The following APAF1 variants were observed in gnomAD, a reference collection of about 807,000 sequenced individuals.
The protein encoded by APAF1 is apoptotic protease-activating factor 1.
A neutral mutation model predicts 152.4 loss-of-function variants in APAF1; 91 were observed. The ratio of observed to expected loss-of-function variants is 0.60; its 90% CI spans 0.50 to 0.71. APAF1 has a LOEUF of 0.71. Ranked by LOEUF, APAF1 falls within the 30% of genes least tolerant of loss-of-function variation. The pLI is 0.00. For missense variants in APAF1, 1,283 were observed against 1,472.0 expected (o/e 0.87, Z 2.10); for synonymous variants, 484 against 494.1 (o/e 0.98, Z 0.27).
At chr12:98,650,082 G>A (rs1483534572) in intron 4 of APAF1, among the ~76,000 whole-genome samples, 15 of 152,198 alleles carry the variant, frequency 9.9e-5, no homozygotes, top group Admixed American at 9.8e-4. Context: ...TAGTTGTATA[G>A]CTCCATCAGT....
At chr12:98,665,279 T>TATATATATA (rs1491328899) in intron 7 of APAF1, among the ~76,000 whole-genome samples, 73 of 65,594 alleles carry the variant, frequency 1.1e-3, no homozygotes, top group African/African-American at 4.6e-3. Flanking sequence ...TATATATATA[T>TATATATATA]TTTTTTTTTT....
chr12:98,678,153 GTACTTTATTAC>G (rs2097688504), intron 13 of APAF1, among the ~76,000 whole-genome samples: 1 of 152,206 alleles, frequency 6.6e-6, no homozygotes, highest in Admixed American at 6.5e-5. Context: ...GTCTATATGT[GTACTTTATTAC>G]TAATTTTATT....
chr12:98,649,184 A>G (rs2097645940), intron 3 of APAF1: 1 of 979,736 alleles, frequency 1.0e-6, no homozygotes, highest in Non-Finnish European at 1.2e-6. Flanking sequence ...TCTTCCTTTT[A>G]CACTTGCCTT....
At chr12:98,654,668 A>C (rs2097654068) in intron 4 of APAF1, among the ~76,000 whole-genome samples, 1 of 152,014 alleles carries the variant, frequency 6.6e-6, no homozygotes, top group Non-Finnish European at 1.5e-5. Flanking sequence ...CGGCCTCCCA[A>C]AGTTCTGGGA....
At chr12:98,694,937 C>A (rs1437885185) in intron 16 of APAF1, among the ~76,000 whole-genome samples, 1 of 148,048 alleles carries the variant, frequency 6.8e-6, no homozygotes, top group Non-Finnish European at 1.5e-5. Context: ...TGCTGTGGCA[C>A]CATCTCGGCT....
At chr12:98,703,811 T>G (rs1488106161) in intron 18 of APAF1, among the ~76,000 whole-genome samples, 1 of 152,166 alleles carries the variant, frequency 6.6e-6, no homozygotes, top group East Asian at 1.9e-4. Context: ...ACATCTCTTA[T>G]CCAGTATAGA....
At chr12:98,692,836 T>C (rs2097705776) in intron 16 of APAF1, among the ~76,000 whole-genome samples, 2 of 152,238 alleles carry the variant, frequency 1.3e-5, no homozygotes, top group African/African-American at 4.8e-5. Context: ...TTACGAATAG[T>C]GCTGCAGTGA....
At chr12:98,698,395 G>A (rs574909445) in intron 16 of APAF1, among the ~76,000 whole-genome samples, 7 of 152,102 alleles carry the variant, frequency 4.6e-5, no homozygotes, top group African/African-American at 1.4e-4. Flanking sequence ...CATATATTCT[G>A]GATAATGTAA....
Position 98,703,371 on chromosome 12 carries a change from C to A in APAF1, c.2467C>A (p.Leu823Ile). 1 of 1,613,994 alleles carries A rather than the reference C, an allele frequency of 6.2e-7. No individual in the cohort carries two copies. The highest frequency in any genetic ancestry group is 1.3e-5 in the African/African-American group (1 of 75,036). The change falls in exon 18 of 27, where the codon CTT becomes ATT. Residue 823 changes from leucine (L) to isoleucine (I), a missense_variant and splice_region_variant. By Grantham distance (5) the Leu-to-Ile change is conservative (BLOSUM62 2). Transcript: ENST00000551964. ...TAGGTATCTCTATTTATGTTGACAG[C>A]TTTTTGACATTCATACTAGTGGCCT... ...IMVAAKNKIF[L>I]FDIHTSGLLG...
intron 1 of APAF1, among the ~76,000 whole-genome samples, chr12:98,647,412 G>A (rs1374330927): frequency 6.6e-6 from 1 of 151,086 alleles, no homozygotes; most frequent in Middle Eastern, 3.2e-3. Context: ...TCAGTCTGTC[G>A]CCCAGGCTGG....
At chr12:98,671,129 C>T (rs2097679592) in intron 11 of APAF1, 43 bp downstream of exon 11, 7 of 1,213,644 alleles carry the variant, frequency 5.8e-6, no homozygotes, top group Non-Finnish European at 8.5e-6. Flanking sequence ...AAAGGAATCT[C>T]ATTTTTTTTT....
intron 16 of APAF1, among the ~76,000 whole-genome samples, chr12:98,688,356 C>G (rs988882573): frequency 6.6e-6 from 1 of 152,108 alleles, no homozygotes; most frequent in African/African-American, 2.4e-5. Flanking sequence ...AGTAGTTGCT[C>G]TAGTTCAGGC....
Position 98,659,293 on chromosome 12 carries a change from T to G in APAF1, c.660T>G (p.Ile220Met). The G allele has an allele frequency of 6.2e-7, 1 of 1,614,168 alleles. No homozygotes were observed. The highest frequency in any genetic ancestry group is 8.5e-7 in the Non-Finnish European group (1 of 1,180,026). Residue 220 changes from isoleucine to methionine, a missense_variant, in exon 5 of 27, where the codon ATT (isoleucine) becomes ATG (methionine). Ile to Met is a conservative substitution (Grantham distance 10). Transcript: ENST00000551964. Reference protein sequence around the residue: ...ESFSQRLPLNIEEAKDRLRIL... With the variant: ...ESFSQRLPLNMEEAKDRLRIL... ...TTTCCCAGAGGCTTCCACTTAATATTGAAGAGGCTAAAGACCGTCTCCGCA... is the reference window on the plus strand; with the variant it reads ...TTTCCCAGAGGCTTCCACTTAATATGGAAGAGGCTAAAGACCGTCTCCGCA...
intron 11 of APAF1, 44 bp downstream of exon 11, chr12:98,671,130 A>AT (rs199621981): frequency 0.042 from 49,116 of 1,156,450 alleles, 1,181 homozygotes; most frequent in Middle Eastern, 0.098. Context: ...AAGGAATCTC[A>AT]TTTTTTTTTA....
At chr12:98,694,250 C>T (rs11830511) in intron 16 of APAF1, among the ~76,000 whole-genome samples, 4,153 of 152,236 alleles carry the variant, frequency 0.027, 196 homozygotes, top group African/African-American at 0.095. Context: ...AAAGCAATTG[C>T]TACAAAAACA....
intron 9 of APAF1, among the ~76,000 whole-genome samples, chr12:98,667,196 G>T (rs144360239): frequency 6.6e-6 from 1 of 151,480 alleles, no homozygotes; most frequent in Admixed American, 6.6e-5. Flanking sequence ...TCCTGGGCTC[G>T]GTTGGTCCTG....
chr12:98,678,022 T>A (rs1489118829), intron 13 of APAF1, among the ~76,000 whole-genome samples: 3 of 151,652 alleles, frequency 2.0e-5, no homozygotes, highest in Non-Finnish European at 4.4e-5. Context: ...AAAATATTAA[T>A]GAGTACTTTT....
chr12:98,723,482 G>A (rs2097745980), intron 23 of APAF1, among the ~76,000 whole-genome samples, 157 bp from the exon 24 acceptor site: 1 of 151,728 alleles, frequency 6.6e-6, no homozygotes, highest in Non-Finnish European at 1.5e-5. Context: ...TGTTTAATGA[G>A]CATTTATACT....
intron 16 of APAF1, among the ~76,000 whole-genome samples, chr12:98,696,394 C>A (rs2097709910): frequency 6.6e-6 from 1 of 152,306 alleles, no homozygotes; most frequent in South Asian, 2.1e-4. Flanking sequence ...AGGGAACTCA[C>A]CCCAGTGGGA....
Sources: gnomAD v4.1 joint callset for allele counts (sites outside exome capture counted in the v4.1 genomes callset) on GRCh38, gnomAD v4.1.1 for gene constraint, MANE v1.5 for transcripts, NCBI Gene and HGNC (gene_info 2026-07-23, HGNC 2026-07-21) for gene names.